MITF: variants seen among roughly 807,000 people sequenced by gnomAD.
MITF encodes the protein melanocyte inducing transcription factor, also known as microphthalmia-associated transcription factor.
In MITF, 17 loss-of-function variants were observed where a neutral mutation model predicts 60.5. The ratio of observed to expected loss-of-function variants is 0.28; its 90% CI spans 0.19 to 0.42. The LOEUF (loss-of-function observed/expected upper bound fraction) is 0.42. MITF is among the 10% of genes least tolerant of loss of function. MITF has a pLI of 1.00. For synonymous variants in MITF, 260 were observed against 248.5 expected, an observed-to-expected ratio of 1.05 and a Z score of -0.43; for missense variants, 622 against 683.5, an observed-to-expected ratio of 0.91 and a Z score of 1.00.
intron 1 of MITF, among the ~76,000 whole-genome samples, chr3:69,754,449 C>T (rs1704051973): frequency 6.6e-6 from 1 of 152,138 alleles, no homozygotes; most frequent in African/African-American, 2.4e-5. Flanking sequence ...GTGTGAGCCA[C>T]TGTGCCTGGC....
chr3:69,830,065 G>T (rs906512363), intron 1 of MITF, among the ~76,000 whole-genome samples: 1 of 152,148 alleles, frequency 6.6e-6, no homozygotes, highest in African/African-American at 2.4e-5. Context: ...TCAGCTCTGC[G>T]AATCTAGGAT....
At chr3:69,940,142 A>T (rs2065936010) in intron 4 of MITF, among the ~76,000 whole-genome samples, 1 of 152,338 alleles carries the variant, frequency 6.6e-6, no homozygotes, top group Non-Finnish European at 1.5e-5. Context: ...GACAGTAAAT[A>T]TTATGAACCC....
chr3:69,939,784 G>A (rs1456485430), intron 4 of MITF, among the ~76,000 whole-genome samples: 2 of 151,892 alleles, frequency 1.3e-5, no homozygotes, highest in African/African-American at 4.8e-5. Flanking sequence ...CATTATTTTT[G>A]TCATAAGAGA....
chr3:69,903,199 T>C (rs1278961265), intron 2 of MITF, among the ~76,000 whole-genome samples: 1 of 152,222 alleles, frequency 6.6e-6, no homozygotes, highest in Admixed American at 6.5e-5. Flanking sequence ...AATTAGCTAA[T>C]CTTTGGACTG....
intron 1 of MITF, among the ~76,000 whole-genome samples, chr3:69,800,049 T>G (rs2062892634): frequency 6.6e-6 from 1 of 152,210 alleles, no homozygotes; most frequent in Non-Finnish European, 1.5e-5. Context: ...GTCACCATTA[T>G]CTAATTCCAA....
chr3:69,759,608 A>G (rs2062180986), intron 1 of MITF, among the ~76,000 whole-genome samples: 1 of 152,248 alleles, frequency 6.6e-6, no homozygotes, highest in Admixed American at 6.5e-5. Flanking sequence ...TCCATGAATA[A>G]TGAGGGTTGA....
At chr3:69,964,756 A>G (rs1439256886) in intron 9 of MITF, 91 bp from the exon 10 acceptor site, 3 of 1,157,764 alleles carry the variant, frequency 2.6e-6, no homozygotes, top group Non-Finnish European at 3.9e-6. Flanking sequence ...ACGCGCATCT[A>G]CCATTATAGT....
chr3:69,894,902 C>T (rs1335540701), intron 2 of MITF, among the ~76,000 whole-genome samples: 1 of 152,076 alleles, frequency 6.6e-6, no homozygotes, highest in Non-Finnish European at 1.5e-5. Flanking sequence ...GACCAGAGGC[C>T]ATTCTCTCCA....
intron 1 of MITF, among the ~76,000 whole-genome samples, chr3:69,861,612 C>T (rs1185532031): frequency 2.0e-5 from 3 of 152,308 alleles, no homozygotes; most frequent in Middle Eastern, 3.4e-3. Context: ...CCTGTACCCT[C>T]TTCCCATTGG....
chr3:69,774,183 C>T (rs1275954964), intron 1 of MITF, among the ~76,000 whole-genome samples: 1 of 152,188 alleles, frequency 6.6e-6, no homozygotes, highest in Non-Finnish European at 1.5e-5. Flanking sequence ...TAGTGCCACA[C>T]ATGCTAGGAG....
chr3:69,948,489 A>C (rs1260782522), intron 5 of MITF, among the ~76,000 whole-genome samples: 1 of 151,512 alleles, frequency 6.6e-6, no homozygotes, highest in African/African-American at 2.4e-5. Flanking sequence ...TTTGTGGAAA[A>C]TTTCAATTTC....
At chr3:69,840,178 G>A (rs1477648998) in intron 1 of MITF, among the ~76,000 whole-genome samples, 1 of 152,128 alleles carries the variant, frequency 6.6e-6, no homozygotes, top group Non-Finnish European at 1.5e-5. Context: ...TCCTTGCAAG[G>A]GTGGTCATCT....
intron 2 of MITF, among the ~76,000 whole-genome samples, chr3:69,929,853 A>G (rs2065678484): frequency 6.6e-6 from 1 of 152,076 alleles, no homozygotes; most frequent in African/African-American, 2.4e-5. Flanking sequence ...AAAATCCATC[A>G]TATTCTGATT....
At chr3:69,938,750 G>A (rs1388640058) in intron 3 of MITF, 7 of 1,311,050 alleles carry the variant, frequency 5.3e-6, no homozygotes, top group Non-Finnish European at 5.8e-6. Context: ...CAAATTATGA[G>A]ATGATGAGCT....
intron 2 of MITF, among the ~76,000 whole-genome samples, chr3:69,920,746 G>A (rs1016225582): frequency 2.0e-5 from 3 of 152,174 alleles, no homozygotes; most frequent in Non-Finnish European, 2.9e-5. Flanking sequence ...GGCCACTACC[G>A]GTCTCCGCGC....
intron 1 of MITF, among the ~76,000 whole-genome samples, chr3:69,878,201 G>T (rs957716170): frequency 6.6e-6 from 1 of 151,950 alleles, no homozygotes; most frequent in Non-Finnish European, 1.5e-5. Flanking sequence ...ATGGTAAGTG[G>T]GTAAAAAACT....
chr3:69,897,048 G>C (rs985939493), intron 2 of MITF, among the ~76,000 whole-genome samples: 2 of 152,206 alleles, frequency 1.3e-5, no homozygotes, highest in African/African-American at 4.8e-5. Flanking sequence ...TGAAATGCAA[G>C]GTAGCAGAAG....
intron 1 of MITF, among the ~76,000 whole-genome samples, chr3:69,869,880 C>T (rs77281873): frequency 1.3e-5 from 2 of 152,096 alleles, no homozygotes; most frequent in East Asian, 3.9e-4. Context: ...TGACTCACTT[C>T]ACAATACCTC....
At chr3:69,858,394 T>G (rs1379841576) in intron 1 of MITF, among the ~76,000 whole-genome samples, 1 of 152,132 alleles carries the variant, frequency 6.6e-6, no homozygotes, top group Non-Finnish European at 1.5e-5. Context: ...GAGAGTAAGT[T>G]TTGAGATGCT....
Sources: gnomAD v4.1 joint callset for allele counts (sites outside exome capture counted in the v4.1 genomes callset) on GRCh38, gnomAD v4.1.1 for gene constraint, MANE v1.5 for transcripts, NCBI Gene and HGNC (gene_info 2026-07-23, HGNC 2026-07-21) for gene names.